The following CADPS variants were observed in gnomAD, a reference collection of about 807,000 sequenced individuals.
The protein encoded by CADPS is calcium dependent secretion activator.
CADPS carries 57 observed loss-of-function variants against 167.3 expected under a neutral mutation model. That is an observed-to-expected ratio of 0.34 (90% CI 0.28 to 0.42). The LOEUF is 0.42. CADPS is among the 20% of genes least tolerant of loss of function. The probability of loss-of-function intolerance (pLI) is 1.00; values close to 1 mark genes in which losing one functional copy is unlikely to be tolerated. For synonymous variants in CADPS, 676 were observed against 635.3 expected (o/e 1.06, Z -0.96); for missense variants, 1,414 against 1,738.1 (o/e 0.81, Z 3.32).
chr3:62,585,770 G>A (rs1241444865), intron 7 of CADPS, among the ~76,000 whole-genome samples: 2 of 152,186 alleles, frequency 1.3e-5, no homozygotes, highest in East Asian at 3.9e-4. Flanking sequence ...GCCCCCAGGG[G>A]AAAATGGAAG....
intron 1 of CADPS, among the ~76,000 whole-genome samples, chr3:62,860,191 A>G (rs112634003): frequency 6.6e-6 from 1 of 152,090 alleles, no homozygotes; most frequent in African/African-American, 2.4e-5. Context: ...TTCAAATCCT[A>G]TTTGTTCCTC....
chr3:62,541,744 G>A (rs936946413), intron 11 of CADPS, among the ~76,000 whole-genome samples: 2 of 151,964 alleles, frequency 1.3e-5, no homozygotes, highest in African/African-American at 4.8e-5. Flanking sequence ...CATCTATGTT[G>A]TTCTTTGATC....
chr3:62,429,557 G>C (rs2149575590), intron 28 of CADPS, among the ~76,000 whole-genome samples: 1 of 152,190 alleles, frequency 6.6e-6, no homozygotes, highest in South Asian at 2.1e-4. Context: ...CTCGTCTCCT[G>C]CAATGCAATG....
chr3:62,538,976 C>A (rs2075242701), intron 11 of CADPS, among the ~76,000 whole-genome samples: 1 of 152,116 alleles, frequency 6.6e-6, no homozygotes, highest in Non-Finnish European at 1.5e-5. Context: ...GTCTAAAGAA[C>A]AATTTCATTT....
At chr3:62,583,155 GTCTCTCTCTC>G (rs61474581) in intron 8 of CADPS, among the ~76,000 whole-genome samples, 384 of 147,288 alleles carry the variant, frequency 2.6e-3, no homozygotes, top group African/African-American at 8.6e-3. Flanking sequence ...TACCCTCTTT[GTCTCTCTCTC>G]TCTCTCTCTC....
chr3:62,670,089 G>A (rs2150738349), intron 3 of CADPS, among the ~76,000 whole-genome samples: 1 of 152,304 alleles, frequency 6.6e-6, no homozygotes, highest in African/African-American at 2.4e-5. Context: ...CATATTCACT[G>A]TATGATCAGG....
At chr3:62,604,124 C>G (rs896461543) in intron 6 of CADPS, among the ~76,000 whole-genome samples, 1 of 152,114 alleles carries the variant, frequency 6.6e-6, no homozygotes, top group Admixed American at 6.6e-5. Flanking sequence ...GCCACCTCAC[C>G]CGGCCTGCTA....
At chr3:62,842,337 A>G (rs2076761213) in intron 1 of CADPS, among the ~76,000 whole-genome samples, 2 of 152,224 alleles carry the variant, frequency 1.3e-5, no homozygotes, top group Admixed American at 1.3e-4. Context: ...CACATAGATG[A>G]TAAATGGTAG....
chr3:62,702,656 T>C (rs1278664188), intron 3 of CADPS, among the ~76,000 whole-genome samples: 1 of 152,146 alleles, frequency 6.6e-6, no homozygotes, highest in East Asian at 1.9e-4. Flanking sequence ...CTCTGTCCAG[T>C]AGAACTTTCT....
At chr3:62,826,609 A>ATATTTAAATATCATCC (rs2074091759) in intron 1 of CADPS, among the ~76,000 whole-genome samples, 1 of 152,160 alleles carries the variant, frequency 6.6e-6, no homozygotes, top group East Asian at 1.9e-4. Context: ...ATCATCCTTG[A>ATATTTAAATATCATCC]TGGGTCTTCA....
At chr3:62,782,168 A>G (rs1259895487) in intron 1 of CADPS, among the ~76,000 whole-genome samples, 5 of 152,120 alleles carry the variant, frequency 3.3e-5, no homozygotes, top group Non-Finnish European at 7.4e-5. Context: ...AAGAAATACC[A>G]GGGGGGAAAA....
chr3:62,656,645 C>A (rs536240228), intron 4 of CADPS, among the ~76,000 whole-genome samples: 2 of 152,136 alleles, frequency 1.3e-5, no homozygotes, highest in Non-Finnish European at 2.9e-5. Flanking sequence ...GGCCATTCCA[C>A]CATTACCCAG....
At chr3:62,471,239 C>T (rs971915640) in intron 24 of CADPS, among the ~76,000 whole-genome samples, 11 of 152,096 alleles carry the variant, frequency 7.2e-5, no homozygotes, top group African/African-American at 2.2e-4. Flanking sequence ...ACTCCCAGGT[C>T]AAGCTAAGGT....
At chr3:62,561,664 T>C (rs183373779) in intron 9 of CADPS, among the ~76,000 whole-genome samples, 28 of 152,276 alleles carry the variant, frequency 1.8e-4, no homozygotes, top group African/African-American at 6.3e-4. Flanking sequence ...GTTTCAATTA[T>C]AGTTAGCAAG....
chr3:62,406,840 G>C (rs1708678982), intron 28 of CADPS, among the ~76,000 whole-genome samples: 1 of 152,148 alleles, frequency 6.6e-6, no homozygotes. Flanking sequence ...GGATCTGAAG[G>C]CTCTATTTAA....
rs554197608 is a variant in CADPS, at chr3:62,855,091, A to ATTTTTTTTTTTTTTTTTTTTTTTT, written c.441+19497_441+19498insAAAAAAAAAAAAAAAAAAAAAAAA. Reference sequence around the variant, plus strand: ...AGGCACGTGCCATCATGCCCGGCTAATTTTTTTTTTTTTTTTTTGTCTTTT... The same window carrying ATTTTTTTTTTTTTTTTTTTTTTTT: ...AGGCACGTGCCATCATGCCCGGCTAATTTTTTTTTTTTTTTTTTTTTTTTTTTTTTTTTTTTTTTTTTGTCTTTT... On this transcript the variant is annotated intron_variant, in intron 1 of 29. Transcript: ENST00000383710. 1.2e-3 allele frequency among the ~76,000 whole-genome samples: 113 copies of ATTTTTTTTTTTTTTTTTTTTTTTT among 92,692 alleles called. 1 individual carries two copies. The highest frequency in any genetic ancestry group is 0.01 in the Middle Eastern group (1 of 98). The allele number at this position is 92,692 out of a possible 152,430, so 60.8% of individuals were successfully genotyped here.
intron 1 of CADPS, among the ~76,000 whole-genome samples, chr3:62,850,000 T>C (rs1220523196): frequency 8.4e-6 from 1 of 118,758 alleles, no homozygotes; most frequent in Non-Finnish European, 1.8e-5. Flanking sequence ...CCTGGTTTAG[T>C]CTTGGGAGAG....
chr3:62,858,078 G>C (rs1363047332), intron 1 of CADPS, among the ~76,000 whole-genome samples: 1 of 152,096 alleles, frequency 6.6e-6, no homozygotes, highest in Non-Finnish European at 1.5e-5. Context: ...ACAGCAGGAG[G>C]TCAACAAATT....
chr3:62,547,586 GCCC>G (rs386396848), intron 11 of CADPS, among the ~76,000 whole-genome samples: 2 of 31,448 alleles, frequency 6.4e-5, no homozygotes, highest in Admixed American at 3.8e-4. Context: ...TATCATTTAC[GCCC>G]CCCCCCCCCC....
Sources: gnomAD v4.1 joint callset for allele counts (sites outside exome capture counted in the v4.1 genomes callset) on GRCh38, gnomAD v4.1.1 for gene constraint, MANE v1.5 for transcripts, NCBI Gene and HGNC (gene_info 2026-07-23, HGNC 2026-07-21) for gene names.